Variants in MAP7 observed in about 807,000 individuals in gnomAD.
The protein encoded by MAP7 is microtubule associated protein 7, also known as ensconsin.
In MAP7, 52 loss-of-function variants were observed where a neutral mutation model predicts 94.8. That is an observed-to-expected ratio of 0.55 (90% CI 0.44 to 0.69). The LOEUF is 0.69. Ranked by LOEUF, MAP7 falls within the 30% of genes least tolerant of loss-of-function variation. MAP7 has a pLI of 0.00. For synonymous variants in MAP7, 350 were observed against 357.0 expected, an observed-to-expected ratio of 0.98 and a Z score of 0.22; for missense variants, 940 against 964.6, an observed-to-expected ratio of 0.97 and a Z score of 0.34.
intron 1 of MAP7, chr6:136,466,679 G>C: frequency 7.3e-7 from 1 of 1,378,830 alleles, no homozygotes; most frequent in Non-Finnish European, 9.9e-7. Flanking sequence ...GTATTAATTT[G>C]TCAAAATGGA....
chr6:136,525,970 T>C, intron 1 of MAP7: 1 of 1,488,394 alleles, frequency 6.7e-7, no homozygotes. Flanking sequence ...GGCATACCGC[T>C]GCTACTTGTT....
intron 1 of MAP7, among the ~76,000 whole-genome samples, chr6:136,527,393 A>G: frequency 6.6e-6 from 1 of 152,330 alleles, no homozygotes; most frequent in East Asian, 1.9e-4. Flanking sequence ...GCAAGTCAAA[A>G]GCAATCCTCC....
intron 10 of MAP7, chr6:136,364,382 A>C: frequency 2.8e-6 from 1 of 362,358 alleles, no homozygotes; most frequent in Non-Finnish European, 5.3e-6. Context: ...ATGCTGTTCC[A>C]GCTGAGGAGA....
intron 1 of MAP7, among the ~76,000 whole-genome samples, chr6:136,497,743 G>C (rs1314225435): frequency 2.1e-5 from 3 of 142,754 alleles, no homozygotes; most frequent in Non-Finnish European, 3.0e-5. Context: ...ATGCTGCAGT[G>C]AGCCGAGATC....
chr6:136,506,904 A>G (rs1821687256), intron 1 of MAP7, among the ~76,000 whole-genome samples: 1 of 152,150 alleles, frequency 6.6e-6, no homozygotes, highest in South Asian at 2.1e-4. Flanking sequence ...GAGTGTTCAA[A>G]CTGCATTCAA....
At chr6:136,546,879 T>C (rs1008660412) in intron 1 of MAP7, among the ~76,000 whole-genome samples, 11 of 152,300 alleles carry the variant, frequency 7.2e-5, no homozygotes, top group African/African-American at 2.4e-4. Context: ...AAATAAACTG[T>C]GTAAAAATAT....
intron 1 of MAP7, among the ~76,000 whole-genome samples, chr6:136,509,540 A>G (rs1459260859): frequency 2.0e-5 from 3 of 151,982 alleles, no homozygotes; most frequent in Non-Finnish European, 2.9e-5. Flanking sequence ...GGCATGTGTC[A>G]CTGTACCCAG....
intron 1 of MAP7, among the ~76,000 whole-genome samples, chr6:136,464,731 T>C (rs78700593): frequency 0.016 from 2,427 of 152,332 alleles, 86 homozygotes; most frequent in East Asian, 0.14. Flanking sequence ...GTGTGGTCTC[T>C]CCTACTTTGC....
intron 1 of MAP7, among the ~76,000 whole-genome samples, chr6:136,493,417 C>T (rs998398665): frequency 3.3e-5 from 5 of 151,860 alleles, no homozygotes; most frequent in Admixed American, 2.0e-4. Flanking sequence ...GCCACCGCAC[C>T]GGCTTCTTCT....
intron 3 of MAP7, among the ~76,000 whole-genome samples, chr6:136,404,298 C>T (rs1359713164): frequency 6.6e-6 from 1 of 151,260 alleles, no homozygotes; most frequent in Non-Finnish European, 1.5e-5. Context: ...TGCCGTCACT[C>T]ACTGAGTTGA....
rs1001404728 is a variant in MAP7 at position 136,526,432 on chromosome 6, T to TAA, written c.67+23908_67+23909dup. 4.9e-5 allele frequency: 48 copies of TAA among 987,432 alleles called. 1 individual carries two copies. Among genetic ancestry groups the TAA allele is most frequent in the Middle Eastern group, 1.0e-3 (2 of 1,926 alleles). The allele number at this position is 987,432 out of a possible 1,614,324, so 61.2% of individuals were successfully genotyped here. On this transcript the variant is annotated intron_variant, in intron 1 of 17. Coordinates refer to ENST00000354570, the MANE Select transcript of MAP7 (RefSeq NM_003980.6). Reference sequence around the variant, plus strand: ...CAATCTTCTTCCTGCTACCACACAGTAAAATATTCAGCCCACAGCAGAGAG... The same window carrying TAA: ...CAATCTTCTTCCTGCTACCACACAGTAAAAAATATTCAGCCCACAGCAGAGAG...
At chr6:136,377,891 GA>G (rs1776695641) in intron 6 of MAP7, 23 bp from the exon 7 acceptor site, 4 of 1,522,846 alleles carry the variant, frequency 2.6e-6, no homozygotes, top group Non-Finnish European at 2.7e-6. Flanking sequence ...ACATAAGCAA[GA>G]TGTTAGAAGC....
At chr6:136,402,402 C>A (rs1248498725) in intron 3 of MAP7, among the ~76,000 whole-genome samples, 1 of 152,206 alleles carries the variant, frequency 6.6e-6, no homozygotes, top group African/African-American at 2.4e-5. Context: ...CTCAACTTGT[C>A]ATTAAAAGCA....
intron 15 of MAP7, among the ~76,000 whole-genome samples, chr6:136,357,534 A>T (rs1206110383): frequency 6.6e-6 from 1 of 152,006 alleles, no homozygotes; most frequent in Non-Finnish European, 1.5e-5. Flanking sequence ...TCATTCTGTC[A>T]CCCAGGCTGC....
intron 1 of MAP7, among the ~76,000 whole-genome samples, chr6:136,536,843 A>G (rs1432534936): frequency 6.6e-6 from 1 of 152,216 alleles, no homozygotes; most frequent in Non-Finnish European, 1.5e-5. Flanking sequence ...CTGTAATAGA[A>G]AGCAACCCTG....
At chr6:136,486,983 A>G (rs539299595) in intron 1 of MAP7, among the ~76,000 whole-genome samples, 251 of 150,960 alleles carry the variant, frequency 1.7e-3, no homozygotes, top group Non-Finnish European at 2.7e-3. Flanking sequence ...AAAGAAAGGA[A>G]AGTGCTAACA....
At chr6:136,511,833 T>A (rs1336063451) in intron 1 of MAP7, among the ~76,000 whole-genome samples, 1 of 152,192 alleles carries the variant, frequency 6.6e-6, no homozygotes, top group African/African-American at 2.4e-5. Flanking sequence ...CTTATAATAA[T>A]TCAAACACGG....
At chr6:136,484,526 C>A (rs1223898621) in intron 1 of MAP7, among the ~76,000 whole-genome samples, 1 of 152,118 alleles carries the variant, frequency 6.6e-6, no homozygotes. Flanking sequence ...TAGAATTCCT[C>A]GGCTTTCTTC....
intron 1 of MAP7, among the ~76,000 whole-genome samples, chr6:136,501,458 T>G (rs1272854935): frequency 2.0e-5 from 3 of 152,218 alleles, no homozygotes; most frequent in Non-Finnish European, 4.4e-5. Flanking sequence ...ATACCTCCCT[T>G]AAGAGAACAC....
Sources: allele counts gnomAD v4.1 joint callset (sites outside exome capture counted in the v4.1 genomes callset), GRCh38; gene constraint gnomAD v4.1.1; transcripts MANE v1.5; gene names NCBI Gene and HGNC (gene_info 2026-07-23, HGNC 2026-07-21).